CTNNA2: variants seen among roughly 807,000 people sequenced by gnomAD.
CTNNA2 encodes catenin alpha-2.
CTNNA2 carries 42 observed loss-of-function variants against 101.0 expected under a neutral mutation model. The observed-to-expected ratio is 0.42, with a 90% CI of 0.32 to 0.54. The LOEUF (loss-of-function observed/expected upper bound fraction) is 0.54. Among genes scored for constraint, CTNNA2 ranks in the 20% least tolerant of loss-of-function variants. The probability of loss-of-function intolerance (pLI) is 0.14; values close to 1 mark genes in which losing one functional copy is unlikely to be tolerated. For synonymous variants in CTNNA2, 450 were observed against 456.4 expected, an observed-to-expected ratio of 0.99 and a Z score of 0.18; for missense variants, 871 against 1,223.1, an observed-to-expected ratio of 0.71 and a Z score of 4.29.
chr2:79,249,907 T>TC (rs1674747630), intron 2 of CTNNA2, among the ~76,000 whole-genome samples: 2 of 152,150 alleles, frequency 1.3e-5, no homozygotes, highest in African/African-American at 4.8e-5. Context: ...TGGTGCTTTT[T>TC]CCCCATCCTG....
intron 7 of CTNNA2, among the ~76,000 whole-genome samples, chr2:80,282,016 T>A (rs1022294558): frequency 7.9e-5 from 12 of 152,056 alleles, no homozygotes; most frequent in Admixed American, 7.9e-4. Flanking sequence ...AGGAAAAGCA[T>A]GTAAGTGCAG....
chr2:79,241,227 AT>A (rs1014505031), intron 2 of CTNNA2, among the ~76,000 whole-genome samples: 11 of 152,174 alleles, frequency 7.2e-5, no homozygotes, highest in African/African-American at 2.7e-4. Flanking sequence ...AAACAAGTGC[AT>A]TTTTTTCACA....
At chr2:79,751,838 A>G (rs1226471184) in intron 3 of CTNNA2, among the ~76,000 whole-genome samples, 1 of 152,172 alleles carries the variant, frequency 6.6e-6, no homozygotes, top group African/African-American at 2.4e-5. Flanking sequence ...GTTAGGTGTG[A>G]TCATAATATC....
chr2:80,108,980 AG>A (rs1288166395), intron 7 of CTNNA2, among the ~76,000 whole-genome samples: 1 of 152,212 alleles, frequency 6.6e-6, no homozygotes, highest in African/African-American at 2.4e-5. Context: ...CATAAAAATT[AG>A]GAATTATCTG....
intron 7 of CTNNA2, among the ~76,000 whole-genome samples, chr2:80,080,948 T>TAAAAAAAAAA (rs79785271): frequency 2.3e-5 from 2 of 87,562 alleles, no homozygotes; most frequent in Non-Finnish European, 2.1e-5. Context: ...TTCTCCCACT[T>TAAAAAAAAAA]AAAAAAAAAA....
intron 4 of CTNNA2, among the ~76,000 whole-genome samples, chr2:79,401,841 A>T (rs1318895277): frequency 6.6e-6 from 1 of 151,614 alleles, no homozygotes; most frequent in Non-Finnish European, 1.5e-5. Flanking sequence ...TACCTTTTAA[A>T]AAGTAAATTA....
At chr2:80,231,859 T>C (rs747411149) in intron 7 of CTNNA2, among the ~76,000 whole-genome samples, 11 of 152,144 alleles carry the variant, frequency 7.2e-5, no homozygotes, top group Non-Finnish European at 1.3e-4. Context: ...CTTCCCTTAC[T>C]AGTTTTTTTT....
chr2:80,388,345 AGGT>A (rs1343786540), intron 7 of CTNNA2, among the ~76,000 whole-genome samples: 1 of 152,188 alleles, frequency 6.6e-6, no homozygotes, highest in East Asian at 1.9e-4. Flanking sequence ...TCTGCTGGTT[AGGT>A]ATTGGCTAAA....
intron 13 of CTNNA2, among the ~76,000 whole-genome samples, chr2:80,579,699 A>G (rs1306719223): frequency 6.6e-6 from 1 of 152,190 alleles, no homozygotes; most frequent in African/African-American, 2.4e-5. Flanking sequence ...GGTGAGAGAG[A>G]AGGAAAAACA....
At chr2:79,660,668 A>T (rs910913722) in intron 2 of CTNNA2, among the ~76,000 whole-genome samples, 1 of 152,106 alleles carries the variant, frequency 6.6e-6, no homozygotes, top group African/African-American at 2.4e-5. Context: ...ATAGGAGTTT[A>T]ATTAACCAGT....
At chr2:80,277,650 G>A (rs1490152328) in intron 7 of CTNNA2, among the ~76,000 whole-genome samples, 3 of 151,828 alleles carry the variant, frequency 2.0e-5, no homozygotes, top group East Asian at 1.9e-4. Flanking sequence ...CTGGTGAGAG[G>A]AACAAAATGA....
chr2:79,308,954 AT>A (rs1676306965), intron 2 of CTNNA2, among the ~76,000 whole-genome samples: 1 of 151,972 alleles, frequency 6.6e-6, no homozygotes, highest in Admixed American at 6.6e-5. Flanking sequence ...TTTTCTCCAT[AT>A]TGAAAACAGC....
chr2:80,510,566 T>A (rs997013487), intron 9 of CTNNA2, among the ~76,000 whole-genome samples: 3 of 152,204 alleles, frequency 2.0e-5, no homozygotes, highest in African/African-American at 7.2e-5. Context: ...GTTTCCTGGG[T>A]CATCTCTCAA....
intron 4 of CTNNA2, among the ~76,000 whole-genome samples, chr2:79,482,355 C>T (rs1671117540): frequency 6.6e-6 from 1 of 152,158 alleles, no homozygotes; most frequent in African/African-American, 2.4e-5. Context: ...GGTGCTTTCT[C>T]CTGACCCCAA....
intron 2 of CTNNA2, among the ~76,000 whole-genome samples, chr2:79,216,990 C>A (rs1674272395): frequency 6.6e-6 from 1 of 152,134 alleles, no homozygotes; most frequent in South Asian, 2.1e-4. Flanking sequence ...TGACTGGTGC[C>A]TGAGTTTTGG....
At chr2:79,452,530 T>C (rs768769690) in intron 4 of CTNNA2, among the ~76,000 whole-genome samples, 9 of 152,060 alleles carry the variant, frequency 5.9e-5, no homozygotes, top group Non-Finnish European at 1.3e-4. Context: ...AGATTTTTTC[T>C]CCCTTTAAAA....
At chr2:80,382,670 G>A (rs902553515) in intron 7 of CTNNA2, among the ~76,000 whole-genome samples, 4 of 152,200 alleles carry the variant, frequency 2.6e-5, no homozygotes, top group African/African-American at 9.7e-5. Flanking sequence ...CAAGACTGTG[G>A]ATCCCCACAT....
intron 3 of CTNNA2, among the ~76,000 whole-genome samples, chr2:79,338,641 T>TTCTTCTTCTTCTTCTTCA (rs1677061248): frequency 6.7e-6 from 1 of 150,344 alleles, no homozygotes; most frequent in African/African-American, 2.5e-5. Flanking sequence ...CTTCTTCTTC[T>TTCTTCTTCTTCTTCTTCA]TCAAAGATTC....
At chr2:79,295,205 G>T (rs887130015) in intron 2 of CTNNA2, among the ~76,000 whole-genome samples, 1 of 152,014 alleles carries the variant, frequency 6.6e-6, no homozygotes, top group East Asian at 1.9e-4. Context: ...CTCACATTTT[G>T]TCCTCTTTCC....
Sources: gnomAD v4.1 joint callset for allele counts (sites outside exome capture counted in the v4.1 genomes callset) on GRCh38, gnomAD v4.1.1 for gene constraint, MANE v1.5 for transcripts, NCBI Gene and HGNC (gene_info 2026-07-23, HGNC 2026-07-21) for gene names.